Variants in FER observed in about 807,000 individuals in gnomAD.
The protein encoded by FER is tyrosine-protein kinase Fer.
A neutral mutation model predicts 111.0 loss-of-function variants in FER; 63 were observed. The ratio of observed to expected loss-of-function variants is 0.57; its 90% CI spans 0.46 to 0.70. FER has a LOEUF of 0.70. Among genes scored for constraint, FER ranks in the 30% least tolerant of loss-of-function variants. The pLI is 0.00. For missense variants in FER, 914 were observed against 954.0 expected (o/e 0.96, Z 0.55); for synonymous variants, 327 against 313.9 (o/e 1.04, Z -0.44).
chr5:109,148,893 A>T (rs1561958054), intron 17 of FER, among the ~76,000 whole-genome samples: 1 of 152,146 alleles, frequency 6.6e-6, no homozygotes, highest in Admixed American at 6.5e-5. Flanking sequence ...GATTAGAAAG[A>T]TCATCAAATA....
chr5:109,008,667 C>A (rs1765809058), intron 13 of FER, among the ~76,000 whole-genome samples: 1 of 152,164 alleles, frequency 6.6e-6, no homozygotes, highest in South Asian at 2.1e-4. Flanking sequence ...TTTTCCTCAG[C>A]CACTCCATCC....
intron 13 of FER, among the ~76,000 whole-genome samples, chr5:109,009,483 C>T (rs1218731721): frequency 4.6e-5 from 7 of 152,200 alleles, no homozygotes; most frequent in Admixed American, 4.6e-4. Flanking sequence ...AAATTTAACT[C>T]TCAAATGTTG....
At chr5:108,926,547 A>G (rs900572102) in intron 10 of FER, among the ~76,000 whole-genome samples, 1 of 152,226 alleles carries the variant, frequency 6.6e-6, no homozygotes, top group Non-Finnish European at 1.5e-5. Context: ...CAACAAGTAC[A>G]TACTTAATTG....
At chr5:108,817,270 A>G (rs931331500) in intron 3 of FER, among the ~76,000 whole-genome samples, 1 of 152,084 alleles carries the variant, frequency 6.6e-6, no homozygotes. Context: ...TTGCGATTGA[A>G]TCTTTGAAAA....
intron 10 of FER, among the ~76,000 whole-genome samples, chr5:108,905,586 G>A (rs1232573100): frequency 6.6e-6 from 1 of 152,100 alleles, no homozygotes; most frequent in Non-Finnish European, 1.5e-5. Flanking sequence ...ATGTAATGGG[G>A]TTTTTTGGGA....
At chr5:108,974,771 G>T (rs1761115274) in intron 13 of FER, among the ~76,000 whole-genome samples, 2 of 152,178 alleles carry the variant, frequency 1.3e-5, no homozygotes, top group Non-Finnish European at 2.9e-5. Context: ...CTAGTTACAT[G>T]GCCAAGGTCC....
intron 8 of FER, among the ~76,000 whole-genome samples, chr5:108,876,684 T>A (rs1365359215): frequency 6.6e-6 from 1 of 152,230 alleles, no homozygotes; most frequent in Non-Finnish European, 1.5e-5. Flanking sequence ...ATTAAAATCT[T>A]ATGGTCATGG....
chr5:108,753,205 G>A (rs1750691989), intron 1 of FER, among the ~76,000 whole-genome samples: 3 of 151,970 alleles, frequency 2.0e-5, no homozygotes, highest in Non-Finnish European at 4.4e-5. Flanking sequence ...ATCTCTCCTT[G>A]TATTAATGTG....
intron 16 of FER, among the ~76,000 whole-genome samples, chr5:109,064,001 G>A (rs569683428): frequency 1.1e-4 from 17 of 152,138 alleles, no homozygotes; most frequent in Admixed American, 5.9e-4. Flanking sequence ...TACATCATGC[G>A]TAATATGTTT....
intron 13 of FER, among the ~76,000 whole-genome samples, chr5:109,033,826 T>C (rs1429634728): frequency 6.6e-6 from 1 of 152,162 alleles, no homozygotes; most frequent in African/African-American, 2.4e-5. Flanking sequence ...CACATGTCTT[T>C]TTTTATTATT....
At chr5:108,953,936 T>C (rs1367849594) in intron 11 of FER, among the ~76,000 whole-genome samples, 1 of 152,056 alleles carries the variant, frequency 6.6e-6, no homozygotes, top group African/African-American at 2.4e-5. Flanking sequence ...AATCAGAAAA[T>C]GTGTGATTTA....
chr5:109,080,774 C>T (rs12186683), intron 16 of FER, among the ~76,000 whole-genome samples: 1,818 of 152,092 alleles, frequency 0.012, 17 homozygotes, highest in Non-Finnish European at 0.02. Context: ...ACATTATTCT[C>T]AGATTGCTTG....
chr5:109,052,409 A>G lies in FER; in HGVS notation c.1924+5211A>G, dbSNP rs1581809261. The G allele has an allele frequency of 4.6e-6, 7 of 1,526,914 alleles. No individual in the cohort carries two copies. In the East Asian group the frequency reaches 1.3e-4, roughly 29 times the overall value. The allele number at this position is 1,526,914 out of a possible 1,614,324, so 94.6% of individuals were successfully genotyped here. A position where few individuals can be genotyped will look rare whatever the true frequency, so the allele number is the denominator to read the frequency against. On this transcript the variant is annotated intron_variant, in intron 16 of 19. Coordinates refer to ENST00000281092, the MANE Select transcript of FER (RefSeq NM_005246.4). ...CACACCTTCCCTCCAGCAGTTAAGT[A>G]GGCTTGAACCTTGTCAAGGAGTTTG... is the stretch of plus-strand genomic sequence containing the variant.
intron 10 of FER, among the ~76,000 whole-genome samples, chr5:108,938,026 TCACACACACACACACACACACACACACA>T (rs201092702): frequency 7.6e-6 from 1 of 130,824 alleles, no homozygotes; most frequent in Non-Finnish European, 1.6e-5. Flanking sequence ...TATCTCTCTC[TCACACACACACACACACACACACACACA>T]CACACACACA....
rs1759023049 is a variant in FER, at chr5:109,187,564, A to G, written c.2458A>G (p.Lys820Glu). The G allele has an allele frequency of 6.2e-7, 1 of 1,614,028 alleles. No individual in the cohort carries two copies. The highest frequency in any genetic ancestry group is 8.5e-7 in the Non-Finnish European group (1 of 1,180,012). Residue 820 changes from lysine (K) to glutamate (E), a missense_variant, in exon 20 of 20, where the codon AAA becomes GAA. Lys to Glu is a moderately conservative substitution (Grantham distance 56, BLOSUM62 1). This residue lies in a region of FER where 134 missense variants were observed against 149.4 expected (regional missense o/e 0.90). Transcript: ENST00000281092. The part of the protein sequence containing the change: ...LQKELTIIKR[K>E]LT ...GAAAGAGCTCACTATCATCAAGAGA[A>G]AACTCACATAGTGACAGGATGGCGC...
At chr5:109,011,947 G>A (rs1456432255) in intron 13 of FER, among the ~76,000 whole-genome samples, 1 of 152,122 alleles carries the variant, frequency 6.6e-6, no homozygotes, top group African/African-American at 2.4e-5. Flanking sequence ...CAGTTACTTT[G>A]CTCATGCTGT....
In FER at chr5:109,187,803, T is replaced by G. The variant is rs955754242; in HGVS notation, c.*228T>G. On this transcript the variant is annotated 3_prime_UTR_variant, in exon 20 of 20. Transcript: ENST00000281092. The stretch of plus-strand genomic sequence containing the variant: ...GGGCTTTCTTAGCTAACCATAGCAA[T>G]CCTACCATTTCAGGCCATTGCAAAT... 2.6e-5 allele frequency: 14 copies of G among 537,072 alleles called. No homozygotes were observed. The highest frequency in any genetic ancestry group is 2.5e-4 in the African/African-American group (13 of 52,582). 33.3% of individuals were successfully genotyped at this position (537,072 alleles called of 1,614,324 possible). A position where few individuals can be genotyped will look rare whatever the true frequency, so the allele number is the denominator to read the frequency against.
At chr5:108,763,888 G>T (rs755130237) in intron 1 of FER, among the ~76,000 whole-genome samples, 1 of 152,034 alleles carries the variant, frequency 6.6e-6, no homozygotes, top group Non-Finnish European at 1.5e-5. Context: ...TCTTTGTTTG[G>T]GTTGCTTGAT....
chr5:109,098,582 G>A (rs1444898672), intron 16 of FER, among the ~76,000 whole-genome samples: 3 of 151,602 alleles, frequency 2.0e-5, no homozygotes, highest in African/African-American at 7.2e-5. Context: ...TGTGAATATT[G>A]GTTCAAGTAA....
Sources: gnomAD v4.1 joint callset for allele counts (sites outside exome capture counted in the v4.1 genomes callset) on GRCh38, gnomAD v4.1.1 for gene constraint, gnomAD v4.1.1 regional missense constraint, MANE v1.5 for transcripts, NCBI Gene and HGNC (gene_info 2026-07-23, HGNC 2026-07-21) for gene names.